The following BPNT1 variants were observed in gnomAD, a reference collection of about 807,000 sequenced individuals.
The protein encoded by BPNT1 is 3'(2'), 5'-bisphosphate nucleotidase 1, also known as 3'(2'),5'-bisphosphate nucleotidase 1.
A neutral mutation model predicts 36.9 loss-of-function variants in BPNT1; 28 were observed. The ratio of observed to expected loss-of-function variants is 0.76; its 90% CI spans 0.56 to 1.04. The LOEUF (loss-of-function observed/expected upper bound fraction) is 1.04, where lower values mean the gene tolerates loss of function less well. Ranked by LOEUF, BPNT1 falls within the 50% of genes least tolerant of loss-of-function variation. The pLI, the probability that BPNT1 is intolerant of heterozygous loss-of-function variation, is 0.00. For synonymous variants in BPNT1, 119 were observed against 130.9 expected, an observed-to-expected ratio of 0.91 and a Z score of 0.62; for missense variants, 313 against 372.9, an observed-to-expected ratio of 0.84 and a Z score of 1.32.
intron 6 of BPNT1, among the ~76,000 whole-genome samples, chr1:220,064,884 T>G (rs1019942601): frequency 6.6e-6 from 1 of 152,192 alleles, no homozygotes; most frequent in Non-Finnish European, 1.5e-5. Context: ...CTCGGCTCAC[T>G]GCAAACTCTG....
intron 1 of BPNT1, among the ~76,000 whole-genome samples, chr1:220,086,863 C>T (rs977588387): frequency 4.0e-5 from 6 of 151,244 alleles, no homozygotes; most frequent in African/African-American, 4.9e-5. Context: ...CCACTCCGCC[C>T]GGCCTGAGTT....
At chr1:220,059,567 G>A in intron 8 of BPNT1, 119 bp downstream of exon 8, 5 of 741,604 alleles carry the variant, frequency 6.7e-6, no homozygotes, top group Non-Finnish European at 1.1e-5. Context: ...TAATCTCTAA[G>A]CTGCCTTCTA....
chr1:220,084,285 T>C (rs573082249), intron 1 of BPNT1, among the ~76,000 whole-genome samples: 2 of 151,674 alleles, frequency 1.3e-5, no homozygotes, highest in African/African-American at 4.8e-5. Context: ...TGAGCTGAGA[T>C]TGCGGCCACT....
At chr1:220,059,634 C>A (rs548632419) in intron 8 of BPNT1, 52 bp downstream of exon 8, 1 of 1,294,118 alleles carries the variant, frequency 7.7e-7, no homozygotes. Context: ...TATGTCTTAG[C>A]ATGATATAAT....
chr1:220,085,767 G>T (rs1225070243), intron 1 of BPNT1, among the ~76,000 whole-genome samples: 1 of 152,132 alleles, frequency 6.6e-6, no homozygotes, highest in African/African-American at 2.4e-5. Context: ...TAGGCTTGGA[G>T]AGTAGACAAG....
chr1:220,070,176 A>C (rs1404729293), intron 4 of BPNT1, among the ~76,000 whole-genome samples: 2 of 152,324 alleles, frequency 1.3e-5, no homozygotes, highest in East Asian at 3.9e-4. Context: ...ATACAATCCA[A>C]AGAAAAATGA....
intron 1 of BPNT1, among the ~76,000 whole-genome samples, chr1:220,082,081 TATATAGAGAGAGAGAGAGAG>T (rs1255532615): frequency 1.8e-5 from 2 of 109,806 alleles, no homozygotes; most frequent in Non-Finnish European, 3.9e-5. Flanking sequence ...TATATATATA[TATATAGAGAGAGAGAGAGAG>T]AGAGAGAGAG....
At chr1:220,060,539 G>T (rs961909999) in intron 7 of BPNT1, among the ~76,000 whole-genome samples, 3 of 152,158 alleles carry the variant, frequency 2.0e-5, no homozygotes, top group Middle Eastern at 3.2e-3. Flanking sequence ...GGACAGAGAA[G>T]TATCAAGCAG....
intron 1 of BPNT1, among the ~76,000 whole-genome samples, chr1:220,081,319 G>A (rs1449836564): frequency 6.6e-6 from 1 of 152,150 alleles, no homozygotes; most frequent in Non-Finnish European, 1.5e-5. Context: ...GAGATGGGCA[G>A]CTCACCTGAG....
intron 2 of BPNT1, among the ~76,000 whole-genome samples, chr1:220,077,029 G>T (rs1463017217): frequency 6.6e-6 from 1 of 152,066 alleles, no homozygotes; most frequent in Non-Finnish European, 1.5e-5. Flanking sequence ...TTCCACTTCA[G>T]CTAACACATT....
Position 220,072,956 on chromosome 1 carries a change from T to A in BPNT1, c.227A>T (p.Asp76Val), listed in dbSNP as rs999763134. The A allele has an allele frequency of 1.9e-6, 3 of 1,613,354 alleles. No homozygotes were observed. Among genetic ancestry groups the A allele is most frequent in the Non-Finnish European group, 1.7e-6 (2 of 1,179,354 alleles). Residue 76 changes from aspartate (D) to valine (V), a missense_variant and splice_region_variant, in exon 4 of 9, where the codon GAT (aspartate) becomes GTT (valine). Physicochemically the swap from Asp to Val is radical, Grantham distance 152. Coordinates refer to ENST00000322067, the MANE Select transcript of BPNT1 (RefSeq NM_006085.6). ...TTGATCCACTTCCTCAGAAGGCAGA[T>A]CCTAAAGCAGAGATAACCCTAATGG... is the stretch of plus-strand genomic sequence containing the variant. ...FPKLTIIGEE[D>V]LPSEEVDQEL...
chr1:220,058,753 T>C lies in BPNT1; in HGVS notation c.*91A>G. The C allele has an allele frequency of 7.6e-7, 1 of 1,310,682 alleles. No individual in the cohort carries two copies. The allele number at this position is 1,310,682 out of a possible 1,614,324, so 81.2% of individuals were successfully genotyped here. The stretch of plus-strand genomic sequence containing the variant: ...GATATTGCCCAGGCTGGTCTCAAAC[T>C]CCTGAGCTCAAGTGATCCACCTGCC... On this transcript the variant is annotated 3_prime_UTR_variant, in exon 9 of 9. Coordinates refer to ENST00000322067, the MANE Select transcript of BPNT1 (RefSeq NM_006085.6).
Position 220,075,611 on chromosome 1 carries a change from C to A in BPNT1, c.121-1540G>T, listed in dbSNP as rs190683160. On this transcript the variant is annotated intron_variant, in intron 2 of 8. Coordinates refer to ENST00000322067, the MANE Select transcript of BPNT1 (RefSeq NM_006085.6). ...TACCAATCAAGTTTGTAGACCACTG[C>A]GGTAGAGAAAAAAAAGACACATTGA... Among the ~76,000 whole-genome samples, 5 of 151,976 alleles carry A rather than the reference C, an allele frequency of 3.3e-5. No individual in the cohort carries two copies. The East Asian group carries it at 9.7e-4, about 29-fold the overall frequency.
chr1:220,057,783 A>G lies in BPNT1; in HGVS notation c.*1061T>C, dbSNP rs767645038. The G allele has an allele frequency of 1.9e-6, 2 of 1,047,530 alleles. No individual in the cohort carries two copies. The highest frequency in any genetic ancestry group is 2.8e-5 in the South Asian group (2 of 72,156). 64.9% of individuals were successfully genotyped at this position (1,047,530 alleles called of 1,614,324 possible). ...TTTCTCATAAATCTGTTTCATAAGC[A>G]TATATAATAACATCATATATATTCT... is the stretch of plus-strand genomic sequence containing the variant. On this transcript the variant is annotated 3_prime_UTR_variant, in exon 9 of 9. Transcript: ENST00000322067.
chr1:220,073,608 A>G (rs1664277550), intron 3 of BPNT1, among the ~76,000 whole-genome samples: 1 of 152,134 alleles, frequency 6.6e-6, no homozygotes, highest in East Asian at 1.9e-4. Flanking sequence ...CCTCATTTTC[A>G]AAGTGTTATA....
intron 5 of BPNT1, among the ~76,000 whole-genome samples, chr1:220,069,101 T>C (rs546650253): frequency 1.8e-4 from 28 of 152,278 alleles, no homozygotes; most frequent in African/African-American, 6.7e-4. Context: ...TTCAGTATAG[T>C]CATTTTGGTA....
intron 1 of BPNT1, among the ~76,000 whole-genome samples, chr1:220,087,149 T>TA (rs1470606152): frequency 6.6e-6 from 1 of 151,218 alleles, no homozygotes; most frequent in Non-Finnish European, 1.5e-5. Flanking sequence ...TTTATAAAAG[T>TA]AAAAAAAGAA....
intron 4 of BPNT1, among the ~76,000 whole-genome samples, chr1:220,069,799 G>T (rs1415255477): frequency 1.3e-5 from 2 of 152,218 alleles, no homozygotes; most frequent in East Asian, 3.9e-4. Context: ...AGCCGGGCGT[G>T]GTGGTGGGTG....
chr1:220,067,462 T>G (rs1663640991), intron 5 of BPNT1, 69 bp from the exon 6 acceptor site: 1 of 1,048,578 alleles, frequency 9.5e-7, no homozygotes, highest in Non-Finnish European at 1.4e-6. Flanking sequence ...CTACATCAAT[T>G]GCTCCAAGTT....
Sources: gnomAD v4.1 joint callset for allele counts (sites outside exome capture counted in the v4.1 genomes callset) on GRCh38, gnomAD v4.1.1 for gene constraint, MANE v1.5 for transcripts, NCBI Gene and HGNC (gene_info 2026-07-23, HGNC 2026-07-21) for gene names.